BMERB1: variants seen among roughly 807,000 people sequenced by gnomAD.
The protein encoded by BMERB1 is bMERB domain containing 1.
BMERB1 carries 12 observed loss-of-function variants against 23.6 expected under a neutral mutation model. The observed-to-expected ratio is 0.51, with a 90% CI of 0.33 to 0.82. BMERB1 has a LOEUF of 0.82. BMERB1 is among the 40% of genes least tolerant of loss of function. The probability of loss-of-function intolerance (pLI) is 0.03; values close to 1 mark genes in which losing one functional copy is unlikely to be tolerated. For missense variants in BMERB1, 247 were observed against 255.4 expected (o/e 0.97, Z 0.22); for synonymous variants, 122 against 96.6 (o/e 1.26, Z -1.54).
intron 1 of BMERB1, among the ~76,000 whole-genome samples, chr16:15,479,638 A>T (rs991064780): frequency 1.2e-4 from 18 of 152,198 alleles, no homozygotes; most frequent in African/African-American, 4.3e-4. Context: ...ATAGAAGCAG[A>T]TATAAGAATC....
At chr16:15,504,779 A>T (rs1304913975) in intron 1 of BMERB1, among the ~76,000 whole-genome samples, 2 of 50,908 alleles carry the variant, frequency 3.9e-5, no homozygotes, top group East Asian at 9.3e-4. Context: ...TAAAAGTATT[A>T]AAAAAAAAAA....
chr16:15,587,998 G>C lies in BMERB1; in HGVS notation c.*1169G>C, dbSNP rs1367727187. ...GTTTTTACTTTTTTTCTTGATTATG[G>C]AAGTAATCCATGTACATAGTAAATC... On this transcript the variant is annotated 3_prime_UTR_variant, in exon 6 of 6. Coordinates refer to ENST00000300006, the MANE Select transcript of BMERB1 (RefSeq NM_033201.3). The C allele has an allele frequency of 6.6e-6, 1 of 151,896 alleles. No individual in the cohort carries two copies. The highest frequency in any genetic ancestry group is 1.5e-5 in the Non-Finnish European group (1 of 68,062). The allele number at this position is 151,896 out of a possible 1,614,324, so 9.4% of individuals were successfully genotyped here.
chr16:15,467,832 C>T (rs1415204853), intron 1 of BMERB1, among the ~76,000 whole-genome samples: 1 of 152,096 alleles, frequency 6.6e-6, no homozygotes, highest in Non-Finnish European at 1.5e-5. Flanking sequence ...AGGCATCAAC[C>T]AATATATGTA....
chr16:15,548,626 A>T (rs541641242), intron 2 of BMERB1, among the ~76,000 whole-genome samples: 1 of 152,134 alleles, frequency 6.6e-6, no homozygotes, highest in African/African-American at 2.4e-5. Context: ...CACATCACTC[A>T]TTCTAGTCCT....
chr16:15,566,388 G>A (rs550834757), intron 2 of BMERB1, among the ~76,000 whole-genome samples: 7 of 152,184 alleles, frequency 4.6e-5, no homozygotes, highest in African/African-American at 1.7e-4. Flanking sequence ...AAGTGTTCAT[G>A]CCACTAGACC....
chr16:15,588,156 C>T lies in BMERB1; in HGVS notation c.*1327C>T, dbSNP rs2031201391. The stretch of plus-strand genomic sequence containing the variant: ...TTGTGCATTTTTTCATCGTTGACAT[C>T]ATATTGTGGTATCATTTATAACCAG... On this transcript the variant is annotated 3_prime_UTR_variant, in exon 6 of 6. Coordinates refer to ENST00000300006, the MANE Select transcript of BMERB1 (RefSeq NM_033201.3). 6.6e-6 allele frequency: 1 copy of T among 151,978 alleles called. No individual in the cohort carries two copies. The highest frequency in any genetic ancestry group is 1.5e-5 in the Non-Finnish European group (1 of 68,022). The allele number at this position is 151,978 out of a possible 1,614,324, so 9.4% of individuals were successfully genotyped here. A position where few individuals can be genotyped will look rare whatever the true frequency, so the allele number is the denominator to read the frequency against.
intron 1 of BMERB1, among the ~76,000 whole-genome samples, chr16:15,479,477 T>G (rs998673937): frequency 1.3e-5 from 2 of 152,164 alleles, no homozygotes; most frequent in African/African-American, 4.8e-5. Flanking sequence ...TGACTACTTC[T>G]TGAGTTTGGG....
intron 1 of BMERB1, among the ~76,000 whole-genome samples, chr16:15,446,131 C>A (rs1296264218): frequency 2.0e-5 from 3 of 152,160 alleles, no homozygotes; most frequent in Non-Finnish European, 2.9e-5. Context: ...TAGTGGCCCA[C>A]GCTTGTGATC....
chr16:15,541,599 A>ATTTT (rs962962059), intron 2 of BMERB1, among the ~76,000 whole-genome samples: 5 of 87,884 alleles, frequency 5.7e-5, no homozygotes, highest in African/African-American at 1.3e-4. Context: ...CTAATTTTTA[A>ATTTT]TTTTTTTTTT....
chr16:15,473,266 G>A (rs2051245830), intron 1 of BMERB1, among the ~76,000 whole-genome samples: 2 of 148,712 alleles, frequency 1.3e-5, no homozygotes, highest in Non-Finnish European at 3.0e-5. Context: ...TTACCTTTCT[G>A]TTTGGAGAAT....
chr16:15,559,763 A>G (rs944019640), intron 2 of BMERB1, among the ~76,000 whole-genome samples: 6 of 152,188 alleles, frequency 3.9e-5, no homozygotes, highest in African/African-American at 7.2e-5. Flanking sequence ...AGGATGTTCA[A>G]AGGACCATGA....
intron 2 of BMERB1, among the ~76,000 whole-genome samples, chr16:15,534,840 G>A (rs1003768147): frequency 1.3e-5 from 2 of 151,972 alleles, no homozygotes; most frequent in African/African-American, 2.4e-5. Context: ...AAGAAGCCAC[G>A]GCACCAATTT....
chr16:15,504,442 T>G (rs2150944670), intron 1 of BMERB1, among the ~76,000 whole-genome samples: 1 of 151,688 alleles, frequency 6.6e-6, no homozygotes, highest in African/African-American at 2.4e-5. Context: ...CAACTCTTCT[T>G]AAATTTTTTT....
At chr16:15,538,536 G>A (rs1211923986) in intron 2 of BMERB1, among the ~76,000 whole-genome samples, 1 of 152,034 alleles carries the variant, frequency 6.6e-6, no homozygotes, top group African/African-American at 2.4e-5. Context: ...ACTGTTCCAT[G>A]TCTTCAATGC....
intron 2 of BMERB1, among the ~76,000 whole-genome samples, chr16:15,526,387 C>T (rs796772433): frequency 1.5e-4 from 23 of 152,150 alleles, no homozygotes; most frequent in African/African-American, 3.6e-4. Flanking sequence ...AAATATAGGC[C>T]GGGCGTGGTG....
chr16:15,559,333 A>G (rs549341339), intron 2 of BMERB1, among the ~76,000 whole-genome samples: 15 of 152,220 alleles, frequency 9.9e-5, no homozygotes, highest in Non-Finnish European at 1.9e-4. Context: ...TGGACAAATC[A>G]GAGCTCTGGG....
intron 1 of BMERB1, among the ~76,000 whole-genome samples, chr16:15,450,287 T>C (rs1598444487): frequency 6.6e-6 from 1 of 152,078 alleles, no homozygotes; most frequent in East Asian, 1.9e-4. Flanking sequence ...ATTCTTTTGA[T>C]GTTTTCCCAC....
chr16:15,534,302 A>AAG (rs1555511940), intron 2 of BMERB1, among the ~76,000 whole-genome samples: 1,374 of 137,316 alleles, frequency 0.01, 89 homozygotes, highest in African/African-American at 0.037. Flanking sequence ...AAAAAAAAAA[A>AAG]AAAAAAAAAA....
At chr16:15,486,116 C>G (rs1031354582) in intron 1 of BMERB1, among the ~76,000 whole-genome samples, 1 of 149,654 alleles carries the variant, frequency 6.7e-6, no homozygotes, top group Non-Finnish European at 1.5e-5. Context: ...GTGGCACAAT[C>G]GCTGGAACTT....
Sources: allele counts gnomAD v4.1 joint callset (sites outside exome capture counted in the v4.1 genomes callset), GRCh38; gene constraint gnomAD v4.1.1; transcripts MANE v1.5; gene names NCBI Gene and HGNC (gene_info 2026-07-23, HGNC 2026-07-21).